The following MEGF8 variants were observed in gnomAD, a reference collection of about 807,000 sequenced individuals.
MEGF8 encodes the protein multiple EGF like domains 8.
A neutral mutation model predicts 302.9 loss-of-function variants in MEGF8; 156 were observed. The observed-to-expected ratio is 0.52, with a 90% CI of 0.45 to 0.59. MEGF8 has a LOEUF of 0.59. Among genes scored for constraint, MEGF8 ranks in the 20% least tolerant of loss-of-function variants. MEGF8 has a pLI of 0.00. For missense variants in MEGF8, 3,345 were observed against 3,964.5 expected (o/e 0.84, Z 4.20); for synonymous variants, 1,621 against 1,660.5 (o/e 0.98, Z 0.58).
chr19:42,356,041 G>A lies in MEGF8; in HGVS notation c.4392+36G>A, dbSNP rs1265577955. 1 of 1,602,204 alleles carries A rather than the reference G, an allele frequency of 6.2e-7. No homozygotes were observed. The highest frequency in any genetic ancestry group is 8.5e-7 in the Non-Finnish European group (1 of 1,171,726). ...GAGAGGGCAAGTCTGGTGGGACAGG[G>A]CTGGTGATCAGGGCTCCCCTGAGTC... On this transcript the variant is annotated intron_variant, in intron 24 of 41. Coordinates refer to ENST00000251268, the MANE Select transcript of MEGF8 (RefSeq NM_001271938.2). The surrounding 1 kb of genome is among the most constrained non-coding windows in gnomAD (Gnocchi z 5.2).
chr19:42,339,919 A>G (rs547584403), intron 8 of MEGF8, among the ~76,000 whole-genome samples: 2 of 152,256 alleles, frequency 1.3e-5, no homozygotes, highest in African/African-American at 4.8e-5. Flanking sequence ...TTAGCTAGTC[A>G]TGGTGGCATG....
rs751367723 is a variant in MEGF8 at position 42,363,178 on chromosome 19, C to T, written c.6189C>T (p.Leu2063=). 6.2e-7 allele frequency: 1 copy of T among 1,612,346 alleles called. No homozygotes were observed. The highest frequency in any genetic ancestry group is 2.2e-5 in the East Asian group (1 of 44,858). The change falls in exon 35 of 42, where the codon CTC becomes CTT. Residue 2063 remains leucine, a synonymous_variant. Coordinates refer to ENST00000251268, the MANE Select transcript of MEGF8 (RefSeq NM_001271938.2). ...TGCCCTGCCCCACCCCTTGTCACCT[C>T]CTACCCAACTGTACCTCCTGCCTGG... ...PPLPCPTPCH[L]LPNCTSCLDS... is the part of the protein sequence containing the mutation.
chr19:42,356,436 G>T lies in MEGF8; in HGVS notation c.4605G>T (p.Leu1535=), dbSNP rs1331182784. The change falls in exon 26 of 42, where the codon CTG becomes CTT. Residue 1535 remains leucine, a synonymous_variant. Transcript: ENST00000251268. The surrounding 1 kb of genome is among the most constrained non-coding windows in gnomAD (Gnocchi z 5.2). The stretch of plus-strand genomic sequence containing the variant: ...GGGGCCTGGGCCTGCCCCAGGGGCT[G>T]CTGGGAAACCTGTACAGGTGAGGAC... ...MFGGLGLPQG[L]LGNLYRYSVS... The T allele has an allele frequency of 3.1e-6, 5 of 1,605,616 alleles. No individual in the cohort carries two copies. Among genetic ancestry groups the T allele is most frequent in the African/African-American group, 1.3e-5 (1 of 74,656 alleles).
In MEGF8 at chr19:42,326,191, C is replaced by T. The variant is rs1403517594; in HGVS notation, c.-53C>T. The T allele has an allele frequency of 1.4e-6, 2 of 1,454,810 alleles. No individual in the cohort carries two copies. The highest frequency in any genetic ancestry group is 1.8e-6 in the Non-Finnish European group (2 of 1,110,484). The allele number at this position is 1,454,810 out of a possible 1,614,324, so 90.1% of individuals were successfully genotyped here. ...GGCCTCACCCCGGGTAGAGGGTCCT[C>T]TCCAGGTTTTTACGGCCTGTCCCCG... On this transcript the variant is annotated 5_prime_UTR_variant, in exon 1 of 42. Coordinates refer to ENST00000251268, the MANE Select transcript of MEGF8 (RefSeq NM_001271938.2).
At chr19:42,339,116 G>A (rs2039177633) in intron 8 of MEGF8, among the ~76,000 whole-genome samples, 1 of 152,158 alleles carries the variant, frequency 6.6e-6, no homozygotes. Context: ...TTACAGGCGT[G>A]AGCCAATGCG....
intron 39 of MEGF8, 128 bp from the exon 40 acceptor site, chr19:42,370,573 G>A (rs2039671219): frequency 9.0e-7 from 1 of 1,106,194 alleles, no homozygotes; most frequent in Non-Finnish European, 1.3e-6. Flanking sequence ...GGATCTGAGG[G>A]AGGAGGGGGT....
Position 42,351,471 on chromosome 19 carries a change from C to T in MEGF8, c.2898C>T (p.Cys966=), listed in dbSNP as rs773071296. Residue 966 remains cysteine, a synonymous_variant, in exon 17 of 42, where the codon TGC becomes TGT. Coordinates refer to ENST00000251268, the MANE Select transcript of MEGF8 (RefSeq NM_001271938.2). This position sits in a 1 kb window ranked among gnomAD's most constrained non-coding sequence, Gnocchi z 5.6. Reference sequence around the variant, plus strand: ...ACTGCCTGGCCAACTCTAGCCAGTGCGCCTGGTGCCAGTCCACCCACACCT... The same window carrying T: ...ACTGCCTGGCCAACTCTAGCCAGTGTGCCTGGTGCCAGTCCACCCACACCT... ...CEDCLANSSQ[C]AWCQSTHTCF... 2.4e-5 allele frequency: 38 copies of T among 1,601,624 alleles called. No individual in the cohort carries two copies. The highest frequency in any genetic ancestry group is 1.6e-4 in the Middle Eastern group (1 of 6,068).
intron 33 of MEGF8, 41 bp from the exon 34 acceptor site, chr19:42,362,342 AG>A (rs781620846): frequency 2.7e-5 from 43 of 1,612,412 alleles, no homozygotes; most frequent in Middle Eastern, 1.6e-4. Context: ...CTGGCTCAGG[AG>A]GGGTGCTGAG....
chr19:42,370,141 C>T (rs1433290857), intron 38 of MEGF8, 48 bp from the exon 39 acceptor site: 2 of 1,562,642 alleles, frequency 1.3e-6, no homozygotes, highest in Non-Finnish European at 1.7e-6. Flanking sequence ...GCCCTCCTAC[C>T]CCTGATGACT....
At chr19:42,326,619 C>T (rs945885733) in intron 1 of MEGF8, among the ~76,000 whole-genome samples, 189 bp downstream of exon 1, 1 of 152,112 alleles carries the variant, frequency 6.6e-6, no homozygotes, top group Non-Finnish European at 1.5e-5. Context: ...GGGAGATGCA[C>T]CTACACCCAG....
At chr19:42,372,822 G>A (rs1466717601) in intron 41 of MEGF8, among the ~76,000 whole-genome samples, 2 of 150,820 alleles carry the variant, frequency 1.3e-5, no homozygotes, top group Admixed American at 1.3e-4. Flanking sequence ...ACAGGCGTGT[G>A]CCACCATGCC....
At position 42,358,941 on chromosome 19, in the gene MEGF8, C is replaced by T; in HGVS notation, c.5330C>T (p.Pro1777Leu). 6.2e-7 allele frequency: 1 copy of T among 1,610,224 alleles called. No individual in the cohort carries two copies. Among genetic ancestry groups the T allele is most frequent in the Non-Finnish European group, 8.5e-7 (1 of 1,178,510 alleles). ...GGAGGTTTCCTGGAGGAAATCTCAC[C>T]TCACCTGAAGGAGGTGAGATTTGAA... Reference protein sequence around the residue: ...GTGGFLEEISPHLKEPRPRLF... With the variant: ...GTGGFLEEISLHLKEPRPRLF... Residue 1777 changes from proline (P) to leucine (L), a missense_variant, in exon 30 of 42, where the codon CCT (proline) becomes CTT (leucine). Coordinates refer to ENST00000251268, the MANE Select transcript of MEGF8 (RefSeq NM_001271938.2). This position sits in a 1 kb window ranked among gnomAD's most constrained non-coding sequence, Gnocchi z 4.4.
Position 42,357,495 on chromosome 19 carries a change from C to T in MEGF8, c.4922C>T (p.Pro1641Leu), listed in dbSNP as rs200200636. 9.3e-6 allele frequency: 15 copies of T among 1,613,806 alleles called. 1 individual carries two copies. The highest frequency in any genetic ancestry group is 1.7e-4 in the Middle Eastern group (1 of 6,060). The change falls in exon 28 of 42, where the codon CCG becomes CTG. Residue 1641 changes from proline to leucine, a missense_variant. Physicochemically the swap from Pro to Leu is moderately conservative, Grantham distance 98 (BLOSUM62 -3). Transcript: ENST00000251268. The surrounding 1 kb of genome is among the most constrained non-coding windows in gnomAD (Gnocchi z 5.2). ...CTGCTCCTGGTGGGCGGTTACTCCC[C>T]GGAAAATGGCTTCAACCAGCAGCTG... ...LSLLLVGGYS[P>L]ENGFNQQLLE...
chr19:42,326,424 A>T lies in MEGF8; in HGVS notation c.181A>T (p.Ile61Phe), dbSNP rs1338583541. Reference sequence around the variant, plus strand: ...CGTCAATGGCAACTGCGAGTGGCTCATCGAGGGTGAGTGGGGCCGCGTGGG... The same window carrying T: ...CGTCAATGGCAACTGCGAGTGGCTCTTCGAGGGTGAGTGGGGCCGCGTGGG... ...YSVNGNCEWL[I>F]EAPSPQHRIL... is the part of the protein sequence containing the mutation. Residue 61 changes from isoleucine (I) to phenylalanine (F), a missense_variant, in exon 1 of 42, where the codon ATC becomes TTC. Physicochemically the swap from Ile to Phe is conservative, Grantham distance 21 (BLOSUM62 0). Transcript: ENST00000251268. 1 of 1,551,760 alleles carries T rather than the reference A, an allele frequency of 6.4e-7. No individual in the cohort carries two copies. Among genetic ancestry groups the T allele is most frequent in the Admixed American group, 2.1e-5 (1 of 47,014 alleles).
intron 35 of MEGF8, among the ~76,000 whole-genome samples, chr19:42,364,141 G>T (rs2039571769): frequency 6.6e-6 from 1 of 152,224 alleles, no homozygotes; most frequent in East Asian, 1.9e-4. Context: ...CCTGAAGGTG[G>T]GTGTGGCCTA....
chr19:42,347,061 C>T (rs1281562153), intron 12 of MEGF8, among the ~76,000 whole-genome samples: 1 of 151,548 alleles, frequency 6.6e-6, no homozygotes, highest in Non-Finnish European at 1.5e-5. Flanking sequence ...ATTTACCCCA[C>T]TCCCTACCCC....
rs868514014 is a variant in MEGF8 at position 42,356,713 on chromosome 19, G to A, written c.4623-61G>A. ...GATGCGGGGACATCTGTCAGGCAGG[G>A]TCACCTTGAAGGATGCTGGGATGAC... On this transcript the variant is annotated intron_variant, in intron 26 of 41. Transcript: ENST00000251268. The surrounding 1 kb of genome is among the most constrained non-coding windows in gnomAD (Gnocchi z 5.2). 6 of 1,478,496 alleles carry A rather than the reference G, an allele frequency of 4.1e-6. No homozygotes were observed. Among genetic ancestry groups the A allele is most frequent in the Non-Finnish European group, 5.5e-6 (6 of 1,100,710 alleles). The allele number at this position is 1,478,496 out of a possible 1,614,324, so 91.6% of individuals were successfully genotyped here.
At position 42,358,542 on chromosome 19, in the gene MEGF8, C is replaced by T. The variant is rs566577015; in HGVS notation, c.5175+235C>T. Reference sequence around the variant, plus strand: ...CCCAGCTCTCCCCTGAGTCTTGGTGCGGCCCTGGCAGGCCCCTTCCCCGTC... The same window carrying T: ...CCCAGCTCTCCCCTGAGTCTTGGTGTGGCCCTGGCAGGCCCCTTCCCCGTC... On this transcript the variant is annotated intron_variant, in intron 29 of 41. Coordinates refer to ENST00000251268, the MANE Select transcript of MEGF8 (RefSeq NM_001271938.2). This position sits in a 1 kb window ranked among gnomAD's most constrained non-coding sequence, Gnocchi z 4.4. Among the ~76,000 whole-genome samples, 5 of 152,298 alleles carry T rather than the reference C, an allele frequency of 3.3e-5. No homozygotes were observed. Among genetic ancestry groups the T allele is most frequent in the African/African-American group, 4.8e-5 (2 of 41,554 alleles).
At chr19:42,335,675 A>G (rs988556675) in intron 5 of MEGF8, among the ~76,000 whole-genome samples, 1 of 151,162 alleles carries the variant, frequency 6.6e-6, no homozygotes, top group Non-Finnish European at 1.5e-5. Context: ...CTGTGTCTCC[A>G]TCTCTCTGGA....
Sources: gnomAD v4.1 joint callset for allele counts (sites outside exome capture counted in the v4.1 genomes callset) on GRCh38, gnomAD v4.1.1 for gene constraint, Gnocchi (gnomAD v3.1) non-coding constraint, MANE v1.5 for transcripts, NCBI Gene and HGNC (gene_info 2026-07-23, HGNC 2026-07-21) for gene names.